NIBAN1: variants seen among roughly 807,000 people sequenced by gnomAD.
NIBAN1 encodes protein Niban 1.
In NIBAN1, 81 loss-of-function variants were observed where a neutral mutation model predicts 75.1. The observed-to-expected ratio is 1.08, with a 90% confidence interval of 0.90 to 1.30. The LOEUF (loss-of-function observed/expected upper bound fraction) is 1.30, where lower values mean the gene tolerates loss of function less well. Among genes scored for constraint, NIBAN1 ranks in the 50% most tolerant of loss-of-function variants. The probability of loss-of-function intolerance (pLI) is 0.00; values close to 1 mark genes in which losing one functional copy is unlikely to be tolerated. For missense variants in NIBAN1, 1,133 were observed against 1,128.1 expected (o/e 1.00, Z -0.06); for synonymous variants, 436 against 424.8 (o/e 1.03, Z -0.32).
chr1:184,820,936 G>A (rs1439616003), intron 8 of NIBAN1, among the ~76,000 whole-genome samples: 1 of 152,190 alleles, frequency 6.6e-6, no homozygotes, highest in Non-Finnish European at 1.5e-5. Context: ...GTACCTGTTG[G>A]CATTATCGTT....
In NIBAN1 at chr1:184,794,839, T is replaced by C. The variant is rs759889645; in HGVS notation, c.*138A>G. On this transcript the variant is annotated 3_prime_UTR_variant, in exon 14 of 14. Coordinates refer to ENST00000367511, the MANE Select transcript of NIBAN1 (RefSeq NM_052966.4). Reference sequence around the variant, plus strand: ...TTGCCTCAGTTGCTCATGCCCTGTATGCATTTCCTCTGGTTTTATTATTCA... The same window carrying C: ...TTGCCTCAGTTGCTCATGCCCTGTACGCATTTCCTCTGGTTTTATTATTCA... 1.2e-5 allele frequency: 13 copies of C among 1,114,480 alleles called. No homozygotes were observed. Among genetic ancestry groups the C allele is most frequent in the African/African-American group, 1.5e-5 (1 of 64,760 alleles). The allele number at this position is 1,114,480 out of a possible 1,614,324, so 69.0% of individuals were successfully genotyped here.
chr1:184,945,846 A>G (rs1312601555), intron 1 of NIBAN1, among the ~76,000 whole-genome samples: 3 of 152,200 alleles, frequency 2.0e-5, no homozygotes, highest in Non-Finnish European at 4.4e-5. Flanking sequence ...CTCTGTGGGA[A>G]GAGCGTTCTG....
At chr1:184,824,382 G>A (rs1654788489) in intron 6 of NIBAN1, among the ~76,000 whole-genome samples, 3 of 152,152 alleles carry the variant, frequency 2.0e-5, no homozygotes, top group Admixed American at 1.3e-4. Context: ...GAAAGTCTGA[G>A]GGGATGCTCC....
intron 1 of NIBAN1, among the ~76,000 whole-genome samples, chr1:184,954,829 G>A (rs1658442902): frequency 6.6e-6 from 1 of 152,160 alleles, no homozygotes; most frequent in South Asian, 2.1e-4. Flanking sequence ...AGGCAGATGA[G>A]AACAGCTCAT....
At chr1:184,885,849 C>T (rs991831738) in intron 4 of NIBAN1, among the ~76,000 whole-genome samples, 1 of 152,212 alleles carries the variant, frequency 6.6e-6, no homozygotes, top group African/African-American at 2.4e-5. Flanking sequence ...AACATTATCT[C>T]CCCATGACTT....
chr1:184,862,643 A>G (rs886861170), intron 5 of NIBAN1, among the ~76,000 whole-genome samples: 3 of 152,228 alleles, frequency 2.0e-5, no homozygotes, highest in African/African-American at 4.8e-5. Context: ...GGCAGAAGGC[A>G]TATCTTCAGT....
chr1:184,890,127 C>T lies in NIBAN1; in HGVS notation c.414G>A (p.Arg138=), dbSNP rs1396375179. 5 of 1,613,436 alleles carry T rather than the reference C, an allele frequency of 3.1e-6. No homozygotes were observed. The highest frequency in any genetic ancestry group is 4.2e-6 in the Non-Finnish European group (5 of 1,179,642). The part of the protein sequence containing the change: ...SEDEYNLLSD[R]HFPDPLASSE... ...ACTCACCAAGAGGGTCTGGGAAATG[C>T]CTGTCAGACAACAGATTATATTCAT... is the stretch of plus-strand genomic sequence containing the variant. Residue 138 remains arginine, a synonymous_variant, in exon 4 of 14, where the codon AGG becomes AGA. Coordinates refer to ENST00000367511, the MANE Select transcript of NIBAN1 (RefSeq NM_052966.4).
chr1:184,910,557 C>A (rs189190081), intron 1 of NIBAN1, among the ~76,000 whole-genome samples: 22 of 152,250 alleles, frequency 1.4e-4, no homozygotes, highest in African/African-American at 5.1e-4. Flanking sequence ...GGAATTCAAG[C>A]ACTTTTTTAA....
chr1:184,950,826 G>A (rs780152579), intron 1 of NIBAN1, among the ~76,000 whole-genome samples: 4 of 152,098 alleles, frequency 2.6e-5, no homozygotes, highest in Non-Finnish European at 5.9e-5. Context: ...AGTTCTTACC[G>A]CTCCCTTGAA....
At chr1:184,868,097 G>A (rs1180441721) in intron 5 of NIBAN1, 1 of 973,420 alleles carries the variant, frequency 1.0e-6, no homozygotes, top group Non-Finnish European at 1.2e-6. Context: ...GGTAAGATGT[G>A]AAAATGGGTG....
At position 184,845,647 on chromosome 1, in the gene NIBAN1, C is replaced by T. The variant is rs573857541; in HGVS notation, c.602-13685G>A. On this transcript the variant is annotated intron_variant, in intron 5 of 13. Transcript: ENST00000367511. ...CAAGATGGCCGAATAGGAACAGCTCCGGTCTACAGATCCCAGCGTAAGCGA... is the reference window on the plus strand; with the variant it reads ...CAAGATGGCCGAATAGGAACAGCTCTGGTCTACAGATCCCAGCGTAAGCGA... 4.0e-3 allele frequency among the ~76,000 whole-genome samples: 114 copies of T among 28,418 alleles called. 36 individuals carry two copies. The highest frequency in any genetic ancestry group is 0.018 in the Admixed American group (44 of 2,508). 18.6% of individuals were successfully genotyped at this position (28,418 alleles called of 152,430 possible). A position where few individuals can be genotyped will look rare whatever the true frequency, so the allele number is the denominator to read the frequency against.
At chr1:184,829,467 T>A (rs1223746195) in intron 6 of NIBAN1, among the ~76,000 whole-genome samples, 2 of 143,374 alleles carry the variant, frequency 1.4e-5, no homozygotes, top group Non-Finnish European at 3.0e-5. Context: ...ATATATTCTT[T>A]TTTTTTTTTT....
chr1:184,797,524 G>A (rs1015625866), intron 13 of NIBAN1, among the ~76,000 whole-genome samples: 4 of 150,872 alleles, frequency 2.7e-5, no homozygotes, highest in Non-Finnish European at 4.4e-5. Flanking sequence ...ACTGGATGCC[G>A]GAGTCCCACC....
intron 1 of NIBAN1, among the ~76,000 whole-genome samples, chr1:184,968,988 G>A (rs1015162958): frequency 3.3e-5 from 5 of 152,184 alleles, no homozygotes; most frequent in Non-Finnish European, 5.9e-5. Flanking sequence ...CCAGCCAGCA[G>A]TGTGGAGACT....
rs1658515218 is a variant in NIBAN1, at chr1:184,957,282, G to A, written c.55+17020C>T. On this transcript the variant is annotated intron_variant, in intron 1 of 13. Coordinates refer to ENST00000367511, the MANE Select transcript of NIBAN1 (RefSeq NM_052966.4). ...GGTTTGAGGGGAGGAGTATGTGTAG[G>A]ACCTTGAGAATAGTTGTTTAAAGGT... is the stretch of plus-strand genomic sequence containing the variant. Among the ~76,000 whole-genome samples the A allele has an allele frequency of 2.6e-5, 4 of 152,252 alleles. No individual in the cohort carries two copies. In the South Asian group the frequency reaches 8.3e-4, roughly 32 times the overall value.
intron 1 of NIBAN1, among the ~76,000 whole-genome samples, chr1:184,956,509 A>G (rs1658494857): frequency 6.6e-6 from 1 of 152,222 alleles, no homozygotes. Flanking sequence ...TCACCAATAG[A>G]GCTCACAGAT....
intron 13 of NIBAN1, among the ~76,000 whole-genome samples, chr1:184,797,599 A>T (rs1236318556): frequency 4.0e-5 from 6 of 148,296 alleles, no homozygotes; most frequent in Non-Finnish European, 8.9e-5. Context: ...GGAGTCTGGG[A>T]ATGTGTTGAG....
chr1:184,877,096 G>T (rs2102295028), intron 5 of NIBAN1, among the ~76,000 whole-genome samples: 1 of 152,256 alleles, frequency 6.6e-6, no homozygotes, highest in South Asian at 2.1e-4. Context: ...CAACCCAAAT[G>T]TCTATCTAGA....
chr1:184,890,069 T>G (rs372544063), intron 4 of NIBAN1, 39 bp downstream of exon 4: 1 of 1,442,710 alleles, frequency 6.9e-7, no homozygotes, highest in Non-Finnish European at 9.8e-7. Flanking sequence ...CAAAGAAGCT[T>G]AGTCATTTTG....
Sources: gnomAD v4.1 joint callset for allele counts (sites outside exome capture counted in the v4.1 genomes callset) on GRCh38, gnomAD v4.1.1 for gene constraint, MANE v1.5 for transcripts, NCBI Gene and HGNC (gene_info 2026-07-23, HGNC 2026-07-21) for gene names.